Variants in POU2F2 observed in about 807,000 individuals in gnomAD.
POU2F2 encodes the protein POU domain, class 2, transcription factor 2.
In POU2F2, 14 loss-of-function variants were observed where a neutral mutation model predicts 63.5. That is an observed-to-expected ratio of 0.22 (90% CI 0.15 to 0.34). POU2F2 has a LOEUF of 0.34. Among genes scored for constraint, POU2F2 ranks in the 10% least tolerant of loss-of-function variants. The pLI is 1.00. For missense variants in POU2F2, 607 were observed against 815.2 expected (o/e 0.74, Z 3.11); for synonymous variants, 306 against 348.6 (o/e 0.88, Z 1.36).
intron 1 of POU2F2, among the ~76,000 whole-genome samples, chr19:42,181,133 A>G (rs544529418): frequency 6.6e-6 from 1 of 152,372 alleles, no homozygotes; most frequent in African/African-American, 2.4e-5. Context: ...CAGATCCAAT[A>G]GGAGACTTAA....
chr19:42,118,110 A>G (rs759049804), intron 4 of POU2F2, among the ~76,000 whole-genome samples: 2 of 152,124 alleles, frequency 1.3e-5, no homozygotes, highest in African/African-American at 2.4e-5. Context: ...TTTTCTGTAG[A>G]GACAGGGTAT....
chr19:42,118,132 C>T (rs954999155), intron 4 of POU2F2, among the ~76,000 whole-genome samples: 6 of 152,110 alleles, frequency 3.9e-5, no homozygotes, highest in African/African-American at 2.4e-5. Flanking sequence ...ACTATGTTGC[C>T]CAGGCTGGTC....
In POU2F2 at chr19:42,087,144, T is replaced by G. The variant is rs557647407; in HGVS notation, c.*4113A>C. ...GTAGCGGAGTTGTCTGTGGGTTTTT[T>G]TTTTTTTTTAAATGGTTAAATCTTT... On this transcript the variant is annotated 3_prime_UTR_variant, in exon 15 of 15. Coordinates refer to ENST00000692977, the MANE Select transcript of POU2F2 (RefSeq NM_001394376.1). 26 of 151,548 alleles carry G rather than the reference T, an allele frequency of 1.7e-4. No homozygotes were observed. Among genetic ancestry groups the G allele is most frequent in the Admixed American group, 1.5e-3 (23 of 15,270 alleles). 9.4% of individuals were successfully genotyped at this position (151,548 alleles called of 1,614,324 possible).
intron 1 of POU2F2, among the ~76,000 whole-genome samples, chr19:42,166,608 A>T (rs1193674621): frequency 6.6e-6 from 1 of 152,026 alleles, no homozygotes; most frequent in Non-Finnish European, 1.5e-5. Context: ...CTGGAGGTGA[A>T]GGAGGGGAAG....
At chr19:42,116,643 C>G (rs1000128321) in intron 5 of POU2F2, 3 of 281,268 alleles carry the variant, frequency 1.1e-5, no homozygotes, top group Non-Finnish European at 2.1e-5. Flanking sequence ...CAGCCCCTTC[C>G]CACACACTCA....
In POU2F2 at chr19:42,095,307, C is replaced by G; in HGVS notation, c.1176G>C (p.Pro392=). The G allele has an allele frequency of 6.2e-7, 1 of 1,613,568 alleles. No individual in the cohort carries two copies. ...GTACCATATGGGGGCTGTAGCTGGC[C>G]GGCTTCCCTGGGCTGGGCAGCATGG... ...AAPMLPSPGK[P]ASYSPHMVTP... The change falls in exon 11 of 15, where the codon CCG becomes CCC. Residue 392 remains proline, a synonymous_variant. Coordinates refer to ENST00000692977, the MANE Select transcript of POU2F2 (RefSeq NM_001394376.1). This position sits in a 1 kb window ranked among gnomAD's most constrained non-coding sequence, Gnocchi z 7.1.
At chr19:42,128,425 C>T (rs2033394960) in intron 1 of POU2F2, among the ~76,000 whole-genome samples, 1 of 152,148 alleles carries the variant, frequency 6.6e-6, no homozygotes, top group Non-Finnish European at 1.5e-5. Flanking sequence ...TAAATTATCC[C>T]AACCACTCCT....
intron 1 of POU2F2, among the ~76,000 whole-genome samples, chr19:42,164,609 A>T (rs2034614078): frequency 6.6e-6 from 1 of 151,800 alleles, no homozygotes; most frequent in Non-Finnish European, 1.5e-5. Context: ...CCAGGTATCT[A>T]AATTTTAATA....
intron 14 of POU2F2, 89 bp downstream of exon 14, chr19:42,091,778 G>A: frequency 1.3e-6 from 2 of 1,547,152 alleles, no homozygotes. Flanking sequence ...AGCAGGGGCA[G>A]GATGGCATGG....
upstream of POU2F2, among the ~76,000 whole-genome samples, chr19:42,179,964 T>C (rs1188981351): frequency 6.6e-6 from 1 of 152,082 alleles, no homozygotes; most frequent in Non-Finnish European, 1.5e-5. Flanking sequence ...AGATGCATAA[T>C]GGACATGGGA....
intron 1 of POU2F2, among the ~76,000 whole-genome samples, chr19:42,166,957 C>T (rs1000906767): frequency 4.6e-5 from 7 of 152,100 alleles, no homozygotes; most frequent in African/African-American, 9.7e-5. Context: ...ACAGGGGATC[C>T]GGCTTCAGTT....
chr19:42,197,870 G>T (rs1248856344), upstream of POU2F2, among the ~76,000 whole-genome samples: 4 of 152,026 alleles, frequency 2.6e-5, no homozygotes, highest in Non-Finnish European at 5.9e-5. Context: ...CCACCTCACT[G>T]AACAAATTAA....
upstream of POU2F2, chr19:42,133,433 C>A (rs934958649): frequency 6.5e-6 from 1 of 154,626 alleles, no homozygotes; most frequent in African/African-American, 2.4e-5. This position sits in a 1 kb window ranked among gnomAD's most constrained non-coding sequence, Gnocchi z 5.1. Context: ...GTCCGCTGCC[C>A]TCTTCCTCTT....
Position 42,090,620 on chromosome 19 carries a change from A to G in POU2F2, c.*637T>C, listed in dbSNP as rs2076680292. 1 of 152,716 alleles carries G rather than the reference A, an allele frequency of 6.5e-6. No homozygotes were observed. The highest frequency in any genetic ancestry group is 1.9e-4 in the East Asian group (1 of 5,206). The allele number at this position is 152,716 out of a possible 1,614,324, so 9.5% of individuals were successfully genotyped here. A position where few individuals can be genotyped will look rare whatever the true frequency, so the allele number is the denominator to read the frequency against. On this transcript the variant is annotated 3_prime_UTR_variant, in exon 15 of 15. Transcript: ENST00000692977. This position sits in a 1 kb window ranked among gnomAD's most constrained non-coding sequence, Gnocchi z 4.4. ...TACATCCTTTGGATGAAGCTACTGA[A>G]TATTTGGTGTAAGGTTGTTCAGGCC...
At chr19:42,177,620 A>C (rs1304675409), upstream of POU2F2, among the ~76,000 whole-genome samples, 1 of 152,040 alleles carries the variant, frequency 6.6e-6, no homozygotes, top group Non-Finnish European at 1.5e-5. Flanking sequence ...ACAATCCTTG[A>C]GACCGACAGA....
At chr19:42,108,668 G>A (rs1042996501) in intron 5 of POU2F2, among the ~76,000 whole-genome samples, 2 of 152,224 alleles carry the variant, frequency 1.3e-5, no homozygotes, top group East Asian at 1.9e-4. Context: ...AGGGTAAGCC[G>A]GTAGGAGGCG....
rs1280108885 is a variant in POU2F2, at chr19:42,092,310, A to G, written c.1265-40T>C. On this transcript the variant is annotated intron_variant, in intron 12 of 14. Transcript: ENST00000692977. This position sits in a 1 kb window ranked among gnomAD's most constrained non-coding sequence, Gnocchi z 5.0. The stretch of plus-strand genomic sequence containing the variant: ...CAGAAAGATGGGGTCTTCAGCTTCC[A>G]CTCGTCCCCCACTGAGGAACCTGGG... 1.4e-6 allele frequency: 2 copies of G among 1,459,510 alleles called. No individual in the cohort carries two copies. Among genetic ancestry groups the G allele is most frequent in the Non-Finnish European group, 1.9e-6 (2 of 1,064,442 alleles). The allele number at this position is 1,459,510 out of a possible 1,614,324, so 90.4% of individuals were successfully genotyped here.
At chr19:42,188,366 CAAAA>C (rs769784431) in intron 1 of POU2F2, among the ~76,000 whole-genome samples, 1 of 100,404 alleles carries the variant, frequency 1.0e-5, no homozygotes, top group Admixed American at 1.1e-4. Flanking sequence ...ACCTTGTCTC[CAAAA>C]AAAAAAAAAG....
chr19:42,133,843 G>A (rs1267959139), upstream of POU2F2, among the ~76,000 whole-genome samples: 1 of 152,088 alleles, frequency 6.6e-6, no homozygotes, highest in Non-Finnish European at 1.5e-5. This position sits in a 1 kb window ranked among gnomAD's most constrained non-coding sequence, Gnocchi z 5.1. Flanking sequence ...CACTCAGAAA[G>A]GGTATACTAC....
Sources: gnomAD v4.1 joint callset for allele counts (sites outside exome capture counted in the v4.1 genomes callset) on GRCh38, gnomAD v4.1.1 for gene constraint, Gnocchi (gnomAD v3.1) non-coding constraint, MANE v1.5 for transcripts, NCBI Gene and HGNC (gene_info 2026-07-23, HGNC 2026-07-21) for gene names.